COL6A1: variants seen among roughly 807,000 people sequenced by gnomAD.
COL6A1 encodes the protein collagen alpha-1(VI) chain.
COL6A1 carries 80 observed loss-of-function variants against 145.6 expected under a neutral mutation model. The observed-to-expected ratio is 0.55, with a 90% CI of 0.46 to 0.66. The LOEUF (loss-of-function observed/expected upper bound fraction) is 0.66, where lower values mean the gene tolerates loss of function less well. COL6A1 is among the 30% of genes least tolerant of loss of function. COL6A1 has a pLI of 0.00. For missense variants in COL6A1, 1,364 were observed against 1,473.8 expected (o/e 0.93, Z 1.22); for synonymous variants, 638 against 622.8 (o/e 1.02, Z -0.36).
In COL6A1 at chr21:45,985,865, A is replaced by G. The variant is rs1053296653; in HGVS notation, c.429-661A>G. Among the ~76,000 whole-genome samples the G allele has an allele frequency of 2.0e-5, 3 of 152,164 alleles. No homozygotes were observed. The South Asian group carries it at 6.2e-4, about 32-fold the overall frequency. ...TGGGACCTGGGGGACTTGGAGTCTC[A>G]GGAAGTCGTCCGCTGTCTGCAGGGG... On this transcript the variant is annotated intron_variant, in intron 3 of 34. Transcript: ENST00000361866.
At chr21:45,989,883 G>C in intron 11 of COL6A1, 105 bp downstream of exon 11, 1 of 1,435,146 alleles carries the variant, frequency 7.0e-7, no homozygotes, top group Non-Finnish European at 9.7e-7. Flanking sequence ...AGGAGACCAC[G>C]TGTCCTGCAG....
At position 45,999,671 on chromosome 21, in the gene COL6A1, C is replaced by T; in HGVS notation, c.1755C>T (p.His585=). Residue 585 remains histidine, a synonymous_variant, in exon 27 of 35, where the codon CAC becomes CAT. Transcript: ENST00000361866. ...GPEGPQGPPG[H]QGPPGPDECE... is the part of the protein sequence containing the mutation. The stretch of plus-strand genomic sequence containing the variant: ...TTCTCGGACAGGGACCCCCAGGACA[C>T]CAAGGACCGCCTGGGCCGGACGTAA... The T allele has an allele frequency of 6.2e-7, 1 of 1,613,470 alleles. No individual in the cohort carries two copies. The highest frequency in any genetic ancestry group is 1.3e-5 in the African/African-American group (1 of 74,966).
Position 45,992,088 on chromosome 21 carries a change from G to A in COL6A1, c.1182+16G>A. The A allele has an allele frequency of 6.2e-7, 1 of 1,613,304 alleles. No individual in the cohort carries two copies. The highest frequency in any genetic ancestry group is 8.5e-7 in the Non-Finnish European group (1 of 1,179,884). On this transcript the variant is annotated intron_variant, in intron 16 of 34. Coordinates refer to ENST00000361866, the MANE Select transcript of COL6A1 (RefSeq NM_001848.3). ...TGGAGACGAGGTGAGGAGCTTCACA[G>A]CCCCCACACATGCCAGGTATGGGCC...
Position 45,992,170 on chromosome 21 carries a change from C to A in COL6A1, c.1189C>A (p.Pro397Thr), listed in dbSNP as rs2077780560. 6.2e-7 allele frequency: 1 copy of A among 1,613,558 alleles called. No individual in the cohort carries two copies. The change falls in exon 17 of 35, where the codon CCG (proline) becomes ACG (threonine). Residue 397 changes from proline (P) to threonine (T), a missense_variant. This residue lies in a region of COL6A1 where 938 missense variants were observed against 1,003.8 expected (regional missense o/e 0.93). Transcript: ENST00000361866. ...CAACCCTTGTTCCCCACAGGGCCAG[C>A]CGGGAGAGCCTGGGCCCCCCGGAGA... ...SSGPSGDEGQPGEPGPPGEKG... is the reference protein window; with the variant it reads ...SSGPSGDEGQTGEPGPPGEKG...
chr21:46,004,384 C>CCCT lies in COL6A1; in HGVS notation c.*374_*376dup, dbSNP rs910355275. On this transcript the variant is annotated 3_prime_UTR_variant, in exon 35 of 35. Transcript: ENST00000361866. ...CTCTCCTGCCCTGCCCTCCTGCCCG[C>CCCT]CCTCCCTCCTGCCTGCGCAGCTCCT... The CCCT allele has an allele frequency of 1.9e-5, 7 of 375,606 alleles. No individual in the cohort carries two copies. The highest frequency in any genetic ancestry group is 3.5e-5 in the Non-Finnish European group (7 of 199,950). 23.3% of individuals were successfully genotyped at this position (375,606 alleles called of 1,614,324 possible). A position where few individuals can be genotyped will look rare whatever the true frequency, so the allele number is the denominator to read the frequency against.
At chr21:46,003,202 C>G in intron 34 of COL6A1, 53 bp downstream of exon 34, 1 of 1,613,066 alleles carries the variant, frequency 6.2e-7, no homozygotes, top group South Asian at 1.1e-5. Flanking sequence ...GTGGTTGGGG[C>G]GAGGGCTCTG....
rs867539172 is a variant in COL6A1 at position 45,995,879 on chromosome 21, G to A, written c.1399-1542G>A. Among the ~76,000 whole-genome samples, 12 of 152,212 alleles carry A rather than the reference G, an allele frequency of 7.9e-5. 1 individual carries two copies. Among genetic ancestry groups the A allele is most frequent in the Admixed American group, 2.6e-4 (4 of 15,270 alleles). On this transcript the variant is annotated intron_variant, in intron 20 of 34. Transcript: ENST00000361866. Reference sequence around the variant, plus strand: ...TCGGGGCCCGGGGGTGTGGATAGGTGGCTTTGGAGCCACATTTGTCCATCG... The same window carrying A: ...TCGGGGCCCGGGGGTGTGGATAGGTAGCTTTGGAGCCACATTTGTCCATCG...
Position 46,003,856 on chromosome 21 carries a change from A to T in COL6A1, c.2930A>T (p.Gln977Leu). 1 of 1,600,590 alleles carries T rather than the reference A, an allele frequency of 6.2e-7. No homozygotes were observed. Among genetic ancestry groups the T allele is most frequent in the Non-Finnish European group, 8.5e-7 (1 of 1,170,566 alleles). ...IEIFVVVVGR[Q>L]VNEPHIRVLV... ...ATCTTCGTGGTGGTCGTGGGCCGCC[A>T]GGTGAATGAGCCCCACATCCGCGTC... is the stretch of plus-strand genomic sequence containing the variant. Residue 977 changes from glutamine to leucine, a missense_variant, in exon 35 of 35, where the codon CAG becomes CTG. This residue lies in a region of COL6A1 where 938 missense variants were observed against 1,003.8 expected (regional missense o/e 0.93). Transcript: ENST00000361866.
intron 28 of COL6A1, 104 bp from the exon 29 acceptor site, chr21:46,000,650 AAGGAG>A: frequency 7.8e-7 from 1 of 1,288,112 alleles, no homozygotes. Context: ...GAGGCCGGGG[AAGGAG>A]GGCGGCCGGG....
intron 28 of COL6A1, 147 bp downstream of exon 28, chr21:46,000,514 C>A: frequency 8.6e-7 from 1 of 1,158,440 alleles, no homozygotes; most frequent in Non-Finnish European, 1.3e-6. Flanking sequence ...CCCTACCGGC[C>A]TCCAAAGCCC....
At chr21:45,996,499 G>A (rs927472455) in intron 20 of COL6A1, among the ~76,000 whole-genome samples, 15 of 152,260 alleles carry the variant, frequency 9.9e-5, no homozygotes. Flanking sequence ...GTCTGGTAGT[G>A]GGGAAGTTGT....
At chr21:45,988,509 C>T (rs1408001908) in intron 8 of COL6A1, among the ~76,000 whole-genome samples, 1 of 151,806 alleles carries the variant, frequency 6.6e-6, no homozygotes, top group African/African-American at 2.4e-5. Flanking sequence ...CAGGCAGGCT[C>T]CGGCCGTGCA....
intron 8 of COL6A1, among the ~76,000 whole-genome samples, chr21:45,988,210 CG>C (rs368125571): frequency 1.6e-3 from 18 of 11,202 alleles, no homozygotes; most frequent in South Asian, 6.1e-3. Context: ...GAGGGGACGG[CG>C]GGGGTCCAGA....
rs778917156 is a variant in COL6A1 at position 46,004,998 on chromosome 21, C to T, written c.*985C>T. ...AGTTTTGCTCCTTCTGTGTTTTTTTCTGAACCATATCCATGTTGCTGACTT... is the reference window on the plus strand; with the variant it reads ...AGTTTTGCTCCTTCTGTGTTTTTTTTTGAACCATATCCATGTTGCTGACTT... On this transcript the variant is annotated 3_prime_UTR_variant, in exon 35 of 35. Coordinates refer to ENST00000361866, the MANE Select transcript of COL6A1 (RefSeq NM_001848.3). 22 of 153,768 alleles carry T rather than the reference C, an allele frequency of 1.4e-4. 1 individual carries two copies. Among genetic ancestry groups the T allele is most frequent in the Non-Finnish European group, 2.9e-5 (2 of 68,904 alleles). The allele number at this position is 153,768 out of a possible 1,614,324, so 9.5% of individuals were successfully genotyped here.
rs2077851894 is a variant in COL6A1, at chr21:46,002,366, A to G, written c.2215A>G (p.Thr739Ala). 1 of 1,593,752 alleles carries G rather than the reference A, an allele frequency of 6.3e-7. No individual in the cohort carries two copies. Among genetic ancestry groups the G allele is most frequent in the Non-Finnish European group, 8.5e-7 (1 of 1,170,766 alleles). ...GCGCTCAGACACTCAGAGGGACACC[A>G]CACCGCTCAACGTGCTCTGCAGCCC... ...DGRSDTQRDT[T>A]PLNVLCSPGI... The change falls in exon 32 of 35, where the codon ACA becomes GCA. Residue 739 changes from threonine (T) to alanine (A), a missense_variant. This residue lies in a region of COL6A1 where 938 missense variants were observed against 1,003.8 expected (regional missense o/e 0.93). Coordinates refer to ENST00000361866, the MANE Select transcript of COL6A1 (RefSeq NM_001848.3).
At position 45,987,031 on chromosome 21, in the gene COL6A1, G is replaced by A. The variant is rs1158358896; in HGVS notation, c.676G>A (p.Glu226Lys). 3 of 1,552,180 alleles carry A rather than the reference G, an allele frequency of 1.9e-6. No homozygotes were observed. The highest frequency in any genetic ancestry group is 2.6e-6 in the Non-Finnish European group (3 of 1,148,178). The part of the protein sequence containing the change: ...ADWGQSRDAE[E>K]AISQTIDTIV... ...CTGGGGCCAGAGCCGCGACGCAGAG[G>A]AGGCCATCAGCCAGACCATCGACAC... Residue 226 changes from glutamate (E) to lysine (K), a missense_variant, in exon 5 of 35, where the codon GAG becomes AAG. This residue lies in a region of COL6A1 where 414 missense variants were observed against 437.6 expected (regional missense o/e 0.95). Coordinates refer to ENST00000361866, the MANE Select transcript of COL6A1 (RefSeq NM_001848.3).
At position 46,000,949 on chromosome 21, in the gene COL6A1, C is replaced by A. The variant is rs1032521009; in HGVS notation, c.1822+182C>A. 1.8e-5 allele frequency: 15 copies of A among 833,496 alleles called. No individual in the cohort carries two copies. In the African/African-American group the frequency reaches 2.5e-4, roughly 14 times the overall value. 51.6% of individuals were successfully genotyped at this position (833,496 alleles called of 1,614,324 possible). ...CAGGGTTCCCGGGTGTTGGGCTGGG[C>A]CCCGCCCTCTTTCACCCATAACTGA... is the stretch of plus-strand genomic sequence containing the variant. On this transcript the variant is annotated intron_variant, in intron 29 of 34. Transcript: ENST00000361866.
rs369946755 is a variant in COL6A1 at position 45,987,494 on chromosome 21, C to G, written c.739-5C>G. 3.5e-5 allele frequency: 57 copies of G among 1,613,006 alleles called. No homozygotes were observed. The highest frequency in any genetic ancestry group is 2.3e-4 in the Admixed American group (14 of 60,008). ...CTGACTCGTCTCCATGCTTTCCCCCCACAGTGCTGCTCCTTCGAATGCCAG... is the reference window on the plus strand; with the variant it reads ...CTGACTCGTCTCCATGCTTTCCCCCGACAGTGCTGCTCCTTCGAATGCCAG... On this transcript the variant is annotated splice_region_variant and splice_polypyrimidine_tract_variant and intron_variant, in intron 6 of 34. Transcript: ENST00000361866.
At chr21:45,999,077 A>T in intron 25 of COL6A1, 76 bp from the exon 26 acceptor site, 5 of 1,542,986 alleles carry the variant, frequency 3.2e-6, no homozygotes, top group Non-Finnish European at 4.4e-6. Flanking sequence ...CGGCTGCTGG[A>T]TGCTCTGTGG....
Sources: allele counts gnomAD v4.1 joint callset (sites outside exome capture counted in the v4.1 genomes callset), GRCh38; gene constraint gnomAD v4.1.1; regional missense constraint gnomAD v4.1.1; transcripts MANE v1.5; gene names NCBI Gene and HGNC (gene_info 2026-07-23, HGNC 2026-07-21).